Variants in CCDC93 observed in about 807,000 individuals in gnomAD.
CCDC93 encodes coiled-coil domain-containing protein 93.
Under a neutral mutation model 108.2 loss-of-function variants are expected in CCDC93, and 61 were observed. The ratio of observed to expected loss-of-function variants is 0.56; its 90% confidence interval spans 0.46 to 0.70. The LOEUF (loss-of-function observed/expected upper bound fraction) is 0.70, where lower values mean the gene tolerates loss of function less well. CCDC93 is among the 30% of genes least tolerant of loss of function. CCDC93 has a pLI of 0.00. For synonymous variants in CCDC93, 276 were observed against 260.4 expected (o/e 1.06, Z -0.58); for missense variants, 685 against 764.2 (o/e 0.90, Z 1.22).
intron 23 of CCDC93, among the ~76,000 whole-genome samples, chr2:117,924,177 G>T (rs1301410941): frequency 6.6e-6 from 1 of 152,138 alleles, no homozygotes; most frequent in African/African-American, 2.4e-5. Context: ...CAAAGATGGG[G>T]AAAAACCAGA....
At position 117,915,905 on chromosome 2, in the gene CCDC93, T is replaced by C. The variant is rs1260741615; in HGVS notation, c.*4438A>G. The C allele has an allele frequency of 6.6e-6, 1 of 152,208 alleles. No homozygotes were observed. Among genetic ancestry groups the C allele is most frequent in the Non-Finnish European group, 1.5e-5 (1 of 68,040 alleles). 9.4% of individuals were successfully genotyped at this position (152,208 alleles called of 1,614,324 possible). ...TAGTACACACACACAGGATCCATTG[T>C]TTTAAATTTCTACAAACTATTCCAT... On this transcript the variant is annotated 3_prime_UTR_variant, in exon 24 of 24. Transcript: ENST00000376300.
chr2:117,956,129 G>A (rs1679208015), intron 12 of CCDC93, among the ~76,000 whole-genome samples: 1 of 152,138 alleles, frequency 6.6e-6, no homozygotes, highest in Admixed American at 6.5e-5. Context: ...TCCTCATCCA[G>A]TTGGCCTAGC....
At position 117,920,172 on chromosome 2, in the gene CCDC93, G is replaced by T; in HGVS notation, c.*171C>A. On this transcript the variant is annotated 3_prime_UTR_variant, in exon 24 of 24. Transcript: ENST00000376300. ...TGTTTACTGTCTGACTCCATCAACA[G>T]CAGCCAACAGAGATGAATGGAAGCA... The T allele has an allele frequency of 1.9e-6, 1 of 527,242 alleles. No individual in the cohort carries two copies. The highest frequency in any genetic ancestry group is 2.8e-5 in the South Asian group (1 of 36,184). 32.7% of individuals were successfully genotyped at this position (527,242 alleles called of 1,614,324 possible).
intron 22 of CCDC93, among the ~76,000 whole-genome samples, chr2:117,932,090 G>A (rs146919039): frequency 1.5e-3 from 234 of 152,270 alleles, no homozygotes; most frequent in African/African-American, 5.3e-3. Context: ...TCCTCAGCCT[G>A]GAAGCTCAGA....
intron 15 of CCDC93, among the ~76,000 whole-genome samples, chr2:117,947,598 G>C (rs1273575629): frequency 2.6e-5 from 4 of 152,026 alleles, no homozygotes; most frequent in Non-Finnish European, 5.9e-5. Flanking sequence ...ACCAAAGTTA[G>C]GTGACATTGT....
intron 23 of CCDC93, among the ~76,000 whole-genome samples, chr2:117,923,979 G>A (rs543955801): frequency 9.9e-5 from 15 of 152,272 alleles, no homozygotes; most frequent in East Asian, 3.9e-4. Flanking sequence ...ACCAATATCC[G>A]CTGTTCTGCA....
At position 117,931,130 on chromosome 2, in the gene CCDC93, C is replaced by G; in HGVS notation, c.1749G>C (p.Glu583Asp). ...TCAACTGGTCTCTTCTCATTTTGTT[C>G]TCTTGCTTTTTCTTTTCCATCTGTT... ...SRMKMEKKKQ[E>D]NKMRRDQLND... is the part of the protein sequence containing the mutation. The change falls in exon 23 of 24, where the codon GAG becomes GAC. Residue 583 changes from glutamate (E) to aspartate (D), a missense_variant. Physicochemically the swap from Glu to Asp is conservative, Grantham distance 45. Coordinates refer to ENST00000376300, the MANE Select transcript of CCDC93 (RefSeq NM_019044.5). 1.9e-6 allele frequency: 3 copies of G among 1,613,520 alleles called. No individual in the cohort carries two copies. The highest frequency in any genetic ancestry group is 2.5e-6 in the Non-Finnish European group (3 of 1,179,570).
At chr2:117,950,167 A>T (rs559682454) in intron 13 of CCDC93, 1 of 985,404 alleles carries the variant, frequency 1.0e-6, no homozygotes, top group Middle Eastern at 5.2e-4. Flanking sequence ...CATAAAATGC[A>T]TGGATCCACA....
In CCDC93 at chr2:118,008,546, T is replaced by C; in HGVS notation, c.155A>G (p.Lys52Arg). 1 of 1,559,678 alleles carries C rather than the reference T, an allele frequency of 6.4e-7. No individual in the cohort carries two copies. Among genetic ancestry groups the C allele is most frequent in the Non-Finnish European group, 8.8e-7 (1 of 1,133,000 alleles). ...ARIKGLSPFD[K>R]VVGGMTWCIT... ...ATGGTTAGAAAGATTTCCCCTTACC[T>C]TGTCAAAGGGTGATAAGCCTTTAAT... Residue 52 changes from lysine to arginine, a missense_variant and splice_region_variant, in exon 2 of 24, where the codon AAG becomes AGG. Physicochemically the swap from Lys to Arg is conservative, Grantham distance 26. Transcript: ENST00000376300.
intron 7 of CCDC93, among the ~76,000 whole-genome samples, chr2:117,981,306 T>C (rs551070810): frequency 1.3e-5 from 2 of 152,178 alleles, no homozygotes; most frequent in Non-Finnish European, 2.9e-5. Flanking sequence ...GTCCACATGA[T>C]TTTTCTAAAG....
intron 11 of CCDC93, among the ~76,000 whole-genome samples, chr2:117,972,709 G>A (rs1214488214): frequency 1.3e-5 from 2 of 152,036 alleles, no homozygotes; most frequent in Non-Finnish European, 2.9e-5. Context: ...TGTGCTGACA[G>A]GAAACGAAGA....
intron 3 of CCDC93, 118 bp from the exon 4 acceptor site, chr2:118,001,050 G>C (rs1447879201): frequency 3.2e-6 from 2 of 629,798 alleles, no homozygotes; most frequent in Non-Finnish European, 5.7e-6. Context: ...GGCTAGTCCA[G>C]ACCATGACAA....
chr2:117,928,010 A>G (rs1361247844), intron 23 of CCDC93, among the ~76,000 whole-genome samples: 2 of 152,362 alleles, frequency 1.3e-5, no homozygotes, highest in Non-Finnish European at 1.5e-5. Context: ...GAAATGGGGA[A>G]AGGATTCCCT....
chr2:117,983,313 A>T (rs1171942621), intron 7 of CCDC93, among the ~76,000 whole-genome samples: 1 of 152,170 alleles, frequency 6.6e-6, no homozygotes, highest in African/African-American at 2.4e-5. Flanking sequence ...GCATCTGGAC[A>T]TCACTGGGTT....
At position 117,918,679 on chromosome 2, in the gene CCDC93, T is replaced by C. The variant is rs1677764838; in HGVS notation, c.*1664A>G. ...CTGTCTCCTTCCCCTGCCCTCAGAG[T>C]GCCACCTGTTCTTTTGCAATTACTT... On this transcript the variant is annotated 3_prime_UTR_variant, in exon 24 of 24. Transcript: ENST00000376300. 1 of 152,208 alleles carries C rather than the reference T, an allele frequency of 6.6e-6. No individual in the cohort carries two copies. Among genetic ancestry groups the C allele is most frequent in the African/African-American group, 2.4e-5 (1 of 41,442 alleles). 9.4% of individuals were successfully genotyped at this position (152,208 alleles called of 1,614,324 possible). A position where few individuals can be genotyped will look rare whatever the true frequency, so the allele number is the denominator to read the frequency against.
Position 117,917,475 on chromosome 2 carries a change from A to C in CCDC93, c.*2868T>G, listed in dbSNP as rs1677722623. On this transcript the variant is annotated 3_prime_UTR_variant, in exon 24 of 24. Transcript: ENST00000376300. The stretch of plus-strand genomic sequence containing the variant: ...CTGGTTGTGCTGATGGACTCAGCGG[A>C]CACTGGCAGGACCCAGCTATCCTGA... 6.6e-6 allele frequency: 1 copy of C among 152,664 alleles called. No homozygotes were observed. Among genetic ancestry groups the C allele is most frequent in the Non-Finnish European group, 1.5e-5 (1 of 68,080 alleles). The allele number at this position is 152,664 out of a possible 1,614,324, so 9.5% of individuals were successfully genotyped here.
chr2:117,972,914 CACTT>C (rs1432912957), intron 11 of CCDC93, among the ~76,000 whole-genome samples: 1 of 152,100 alleles, frequency 6.6e-6, no homozygotes, highest in South Asian at 2.1e-4. Context: ...TGTTAAGAAA[CACTT>C]ACTTGGGGGA....
intron 11 of CCDC93, among the ~76,000 whole-genome samples, chr2:117,973,114 G>A (rs1679817543): frequency 6.6e-6 from 1 of 152,102 alleles, no homozygotes; most frequent in South Asian, 2.1e-4. Context: ...AGATTACTGG[G>A]GACAATTTTT....
intron 7 of CCDC93, among the ~76,000 whole-genome samples, chr2:117,978,326 T>G (rs1006881264): frequency 7.2e-5 from 11 of 152,188 alleles, no homozygotes; most frequent in African/African-American, 2.4e-4. Context: ...GCCACTGCAT[T>G]TCAGAGCCAC....
Sources: allele counts gnomAD v4.1 joint callset (sites outside exome capture counted in the v4.1 genomes callset), GRCh38; gene constraint gnomAD v4.1.1; transcripts MANE v1.5; gene names NCBI Gene and HGNC (gene_info 2026-07-23, HGNC 2026-07-21).